UBE2E2: variants seen among roughly 807,000 people sequenced by gnomAD.
UBE2E2 encodes the protein ubiquitin conjugating enzyme E2 E2.
UBE2E2 carries 6 observed loss-of-function variants against 24.7 expected under a neutral mutation model. The ratio of observed to expected loss-of-function variants is 0.24; its 90% CI spans 0.13 to 0.48. The LOEUF (loss-of-function observed/expected upper bound fraction) is 0.48. UBE2E2 is among the 20% of genes least tolerant of loss of function. The probability of loss-of-function intolerance (pLI) is 0.99; values close to 1 mark genes in which losing one functional copy is unlikely to be tolerated. For missense variants in UBE2E2, 169 were observed against 245.0 expected (o/e 0.69, Z 2.07); for synonymous variants, 104 against 83.6 (o/e 1.24, Z -1.33).
intron 3 of UBE2E2, among the ~76,000 whole-genome samples, chr3:23,301,644 T>G (rs1699095170): frequency 6.6e-6 from 1 of 152,104 alleles, no homozygotes; most frequent in African/African-American, 2.4e-5. Context: ...CCTCTGGAAG[T>G]TTTGTCTCAG....
intron 3 of UBE2E2, among the ~76,000 whole-genome samples, chr3:23,329,686 G>A (rs771849325): frequency 7.2e-5 from 11 of 152,150 alleles, no homozygotes; most frequent in Non-Finnish European, 1.3e-4. Flanking sequence ...TCTGATTGTT[G>A]GCTAGGAAGT....
At chr3:23,465,618 C>T (rs1291826205) in intron 3 of UBE2E2, among the ~76,000 whole-genome samples, 1 of 152,188 alleles carries the variant, frequency 6.6e-6, no homozygotes, top group African/African-American at 2.4e-5. Flanking sequence ...GAAGAAGCAG[C>T]TGCTAACTTC....
At chr3:23,243,388 C>T (rs143766854) in intron 3 of UBE2E2, among the ~76,000 whole-genome samples, 25 of 152,318 alleles carry the variant, frequency 1.6e-4, no homozygotes, top group African/African-American at 6.0e-4. Context: ...TTTCTAAATA[C>T]ATTCAATCTC....
intron 4 of UBE2E2, among the ~76,000 whole-genome samples, chr3:23,503,045 A>G (rs1205292690): frequency 2.0e-5 from 3 of 152,178 alleles, no homozygotes; most frequent in Non-Finnish European, 4.4e-5. Flanking sequence ...ATGAACTGCT[A>G]GTGTGTGTAA....
At chr3:23,287,648 G>T (rs1012843698) in intron 3 of UBE2E2, among the ~76,000 whole-genome samples, 2 of 152,020 alleles carry the variant, frequency 1.3e-5, no homozygotes, top group African/African-American at 4.8e-5. Flanking sequence ...TTCAATTTTG[G>T]TAGGTTGTAT....
chr3:23,478,518 A>G (rs549665033), intron 3 of UBE2E2, among the ~76,000 whole-genome samples: 2 of 152,392 alleles, frequency 1.3e-5, no homozygotes, highest in South Asian at 4.1e-4. Context: ...CAAGTTCAAT[A>G]TAAGTCAGTA....
At chr3:23,562,647 T>C (rs369360986) in intron 5 of UBE2E2, among the ~76,000 whole-genome samples, 6 of 152,166 alleles carry the variant, frequency 3.9e-5, no homozygotes, top group African/African-American at 1.2e-4. Context: ...AGGAATGGTA[T>C]CAGCTCCTCC....
At chr3:23,420,239 G>A (rs149508596) in intron 3 of UBE2E2, among the ~76,000 whole-genome samples, 303 of 152,256 alleles carry the variant, frequency 2.0e-3, no homozygotes, top group African/African-American at 6.5e-3. Flanking sequence ...ACAGTGCATT[G>A]CATATTGTAA....
intron 3 of UBE2E2, among the ~76,000 whole-genome samples, chr3:23,378,414 A>G (rs1696579176): frequency 6.6e-6 from 1 of 152,168 alleles, no homozygotes; most frequent in Non-Finnish European, 1.5e-5. Flanking sequence ...ATACATGTGA[A>G]GCTAGAGTTG....
chr3:23,449,685 C>A (rs1218173997), intron 3 of UBE2E2, among the ~76,000 whole-genome samples: 2 of 152,148 alleles, frequency 1.3e-5, no homozygotes, highest in African/African-American at 4.8e-5. Flanking sequence ...TCCTAGGGGA[C>A]TCAGGGGCAG....
At chr3:23,203,925 C>T (rs981688785) in intron 1 of UBE2E2, among the ~76,000 whole-genome samples, 1 of 152,076 alleles carries the variant, frequency 6.6e-6, no homozygotes. Flanking sequence ...CCGGGTTTGG[C>T]TCCTTCGCCG....
At chr3:23,564,318 A>G (rs1245129559) in intron 5 of UBE2E2, among the ~76,000 whole-genome samples, 1 of 152,160 alleles carries the variant, frequency 6.6e-6, no homozygotes. Flanking sequence ...TAGTTATAGA[A>G]AAATAGGTGG....
At chr3:23,466,577 T>C (rs1698923734) in intron 3 of UBE2E2, among the ~76,000 whole-genome samples, 1 of 152,010 alleles carries the variant, frequency 6.6e-6, no homozygotes, top group Non-Finnish European at 1.5e-5. Context: ...GTTTTTGTTT[T>C]TTGTTTTTGA....
chr3:23,506,365 C>T (rs1005307808), intron 4 of UBE2E2, among the ~76,000 whole-genome samples: 11 of 152,222 alleles, frequency 7.2e-5, no homozygotes, highest in African/African-American at 2.7e-4. Context: ...GCCAGACCAG[C>T]TCCTCTAGTC....
rs80153873 is a variant in UBE2E2, at chr3:23,538,531, C to G, written c.508+5830C>G. 4.5e-3 allele frequency among the ~76,000 whole-genome samples: 690 copies of G among 152,214 alleles called. 8 individuals carry two copies. Among genetic ancestry groups the G allele is most frequent in the African/African-American group, 0.016 (667 of 41,540 alleles). ...ACAAAGTTCAAAACGTTTATTAAAG[C>G]CTTTGGGTTCCAATTCAGTATTACC... On this transcript the variant is annotated intron_variant, in intron 5 of 5. Transcript: ENST00000396703.
intron 3 of UBE2E2, among the ~76,000 whole-genome samples, chr3:23,449,471 A>G (rs1284373126): frequency 1.3e-5 from 2 of 152,210 alleles, no homozygotes; most frequent in Non-Finnish European, 2.9e-5. Flanking sequence ...TAAGAATGAG[A>G]AGCTGTGGAA....
intron 3 of UBE2E2, among the ~76,000 whole-genome samples, chr3:23,410,464 A>G (rs542215381): frequency 6.6e-6 from 1 of 152,180 alleles, no homozygotes; most frequent in African/African-American, 2.4e-5. Flanking sequence ...TGTAAACCCT[A>G]TTTAGCATAC....
At chr3:23,520,331 A>C (rs560325846) in intron 4 of UBE2E2, among the ~76,000 whole-genome samples, 2 of 152,346 alleles carry the variant, frequency 1.3e-5, no homozygotes, top group Non-Finnish European at 2.9e-5. Context: ...CACCTAGGAC[A>C]GTGCGTGGCA....
At chr3:23,508,771 G>A (rs1330898410) in intron 4 of UBE2E2, among the ~76,000 whole-genome samples, 1 of 152,224 alleles carries the variant, frequency 6.6e-6, no homozygotes, top group Non-Finnish European at 1.5e-5. Context: ...TGATATTACT[G>A]TCAGCATAAC....
Sources: allele counts gnomAD v4.1 joint callset (sites outside exome capture counted in the v4.1 genomes callset), GRCh38; gene constraint gnomAD v4.1.1; transcripts MANE v1.5; gene names NCBI Gene and HGNC (gene_info 2026-07-23, HGNC 2026-07-21).